Variants in C1QC observed in about 807,000 individuals in gnomAD.
The protein encoded by C1QC is complement C1q subcomponent subunit C.
Under a neutral mutation model 5.9 loss-of-function variants are expected in C1QC, and 4 were observed. The ratio of observed to expected loss-of-function variants is 0.68; its 90% CI spans 0.33 to 1.55. The LOEUF (loss-of-function observed/expected upper bound fraction) is 1.55. Among genes scored for constraint, C1QC ranks in the 40% most tolerant of loss-of-function variants. The pLI is 0.06. For synonymous variants in C1QC, 166 were observed against 153.8 expected (o/e 1.08, Z -0.59); for missense variants, 299 against 326.9 (o/e 0.91, Z 0.66).
intron 2 of C1QC, among the ~76,000 whole-genome samples, chr1:22,644,558 G>T (rs1026560877): frequency 6.6e-6 from 1 of 152,142 alleles, no homozygotes; most frequent in Non-Finnish European, 1.5e-5. Context: ...GGGAAGCTGG[G>T]GCCCACACAG....
Position 22,643,842 on chromosome 1 carries a change from G to A in C1QC, c.-14+128G>A. 3.7e-6 allele frequency: 5 copies of A among 1,365,290 alleles called. No homozygotes were observed. In the South Asian group the frequency reaches 7.3e-5, roughly 20 times the overall value. The allele number at this position is 1,365,290 out of a possible 1,614,324, so 84.6% of individuals were successfully genotyped here. A position where few individuals can be genotyped will look rare whatever the true frequency, so the allele number is the denominator to read the frequency against. On this transcript the variant is annotated intron_variant, in intron 1 of 2. Coordinates refer to ENST00000374640, the MANE Select transcript of C1QC (RefSeq NM_172369.5). ...GAAGGAGGGTTCCCACTCCTGCTGG[G>A]CCCCGGGGCCTGGGCTGAAGAAAAG... is the stretch of plus-strand genomic sequence containing the variant.
In C1QC at chr1:22,647,438, C is replaced by G. The variant is rs1246969241; in HGVS notation, c.393C>G (p.Pro131=). 2 of 1,614,148 alleles carry G rather than the reference C, an allele frequency of 1.2e-6. No homozygotes were observed. Among genetic ancestry groups the G allele is most frequent in the Non-Finnish European group, 1.7e-6 (2 of 1,180,034 alleles). The change falls in exon 3 of 3, where the codon CCC becomes CCG. Residue 131 remains proline (P), a synonymous_variant. Coordinates refer to ENST00000374640, the MANE Select transcript of C1QC (RefSeq NM_172369.5). ...VFTVTRQTHQ[P]PAPNSLIRFN... ...CGGTCACTCGGCAGACCCACCAGCC[C>G]CCTGCACCCAACAGCCTGATCAGAT...
chr1:22,647,698 G>A lies in C1QC; in HGVS notation c.653G>A (p.Trp218Ter). 2 of 1,605,762 alleles carry A rather than the reference G, an allele frequency of 1.2e-6. No individual in the cohort carries two copies. The highest frequency in any genetic ancestry group is 1.7e-6 in the Non-Finnish European group (2 of 1,179,764). ...AGGTTGCAGGTGGGCGAGGAGGTGT[G>A]GCTGGCTGTCAATGACTACTACGAC... Reference protein sequence around the residue: ...LLRLQVGEEVWLAVNDYYDMV... With the variant: ...LLRLQVGEEV Residue 218 changes from tryptophan to a stop codon, truncating the protein, a stop_gained, in exon 3 of 3, where the codon TGG (tryptophan) becomes TAG (stop). Coordinates refer to ENST00000374640, the MANE Select transcript of C1QC (RefSeq NM_172369.5). LOFTEE classifies it high-confidence loss of function.
chr1:22,647,997 T>C lies in C1QC; in HGVS notation c.*214T>C. Reference sequence around the variant, plus strand: ...ACTTCTTTAGGAGTCACTGCTTGTGTGGTTCCTGGGACACTTAACCAATGC... The same window carrying C: ...ACTTCTTTAGGAGTCACTGCTTGTGCGGTTCCTGGGACACTTAACCAATGC... On this transcript the variant is annotated 3_prime_UTR_variant, in exon 3 of 3. Coordinates refer to ENST00000374640, the MANE Select transcript of C1QC (RefSeq NM_172369.5). 1.6e-6 allele frequency: 1 copy of C among 620,260 alleles called. No homozygotes were observed. Among genetic ancestry groups the C allele is most frequent in the Non-Finnish European group, 2.8e-6 (1 of 363,160 alleles). The allele number at this position is 620,260 out of a possible 1,614,324, so 38.4% of individuals were successfully genotyped here.
Position 22,647,249 on chromosome 1 carries a change from C to T in C1QC, c.204C>T (p.Ile68=). 1 of 1,607,716 alleles carries T rather than the reference C, an allele frequency of 6.2e-7. No homozygotes were observed. Among genetic ancestry groups the T allele is most frequent in the East Asian group, 2.2e-5 (1 of 44,874 alleles). ...GEPGIPAIPG[I]RGPKGQKGEP... Reference sequence around the variant, plus strand: ...CAGGAATCCCAGCCATTCCCGGGATCCGAGGACCCAAAGGGCAGAAGGGAG... The same window carrying T: ...CAGGAATCCCAGCCATTCCCGGGATTCGAGGACCCAAAGGGCAGAAGGGAG... Residue 68 remains isoleucine, a synonymous_variant, in exon 3 of 3, where the codon ATC becomes ATT. Coordinates refer to ENST00000374640, the MANE Select transcript of C1QC (RefSeq NM_172369.5).
chr1:22,643,879 C>A, intron 1 of C1QC, 132 bp from the exon 2 acceptor site: 1 of 1,369,650 alleles, frequency 7.3e-7, no homozygotes. Flanking sequence ...CCCCACCATC[C>A]ATCCATGGTG....
In C1QC at chr1:22,647,545, A is replaced by T. The variant is rs777763319; in HGVS notation, c.500A>T (p.Tyr167Phe). The T allele has an allele frequency of 3.7e-6, 6 of 1,614,214 alleles. No homozygotes were observed. The highest frequency in any genetic ancestry group is 1.7e-5 in the Admixed American group (1 of 60,030). ...KFTCKVPGLY[Y>F]FVYHASHTAN... Reference sequence around the variant, plus strand: ...ACCTGCAAAGTCCCCGGCCTCTACTACTTTGTCTACCACGCGTCGCATACA... The same window carrying T: ...ACCTGCAAAGTCCCCGGCCTCTACTTCTTTGTCTACCACGCGTCGCATACA... The change falls in exon 3 of 3, where the codon TAC becomes TTC. Residue 167 changes from tyrosine to phenylalanine, a missense_variant. Around this residue, in one of 3 missense-constraint regions of C1QC, gnomAD observed 144 missense variants for 155.1 expected, o/e 0.93. Transcript: ENST00000374640.
At position 22,647,780 on chromosome 1, in the gene C1QC, C is replaced by T; in HGVS notation, c.735C>T (p.Asp245=). ...TCTCCGGCTTCCTGCTCTTCCCCGA[C>T]TAGGGCGGGCAGATGCGCTCGAGCC... ...SVFSGFLLFP[D] is the part of the protein sequence containing the mutation. The change falls in exon 3 of 3, where the codon GAC becomes GAT. Residue 245 remains aspartate (D), a synonymous_variant. Transcript: ENST00000374640. 1 of 1,599,710 alleles carries T rather than the reference C, an allele frequency of 6.3e-7. No individual in the cohort carries two copies. The highest frequency in any genetic ancestry group is 8.5e-7 in the Non-Finnish European group (1 of 1,179,938).
chr1:22,645,471 C>T (rs779903786), intron 2 of C1QC, among the ~76,000 whole-genome samples: 12 of 152,226 alleles, frequency 7.9e-5, no homozygotes, highest in African/African-American at 1.9e-4. Context: ...TCCAAAGTCA[C>T]ACAGTGGGAT....
chr1:22,645,759 C>T (rs1224891986), intron 2 of C1QC, among the ~76,000 whole-genome samples: 1 of 152,180 alleles, frequency 6.6e-6, no homozygotes, highest in Admixed American at 6.5e-5. Flanking sequence ...CAAATACAGG[C>T]TCAGGGAGGG....
rs666656 is a variant in C1QC at position 22,644,335 on chromosome 1, G to T, written c.181+131G>T. 0.5 allele frequency: 620,724 copies of T among 1,245,366 alleles called. 162,034 individuals carry two copies. The highest frequency in any genetic ancestry group is 0.89 in the African/African-American group (58,482 of 65,852). The allele number at this position is 1,245,366 out of a possible 1,614,324, so 77.1% of individuals were successfully genotyped here. A position where few individuals can be genotyped will look rare whatever the true frequency, so the allele number is the denominator to read the frequency against. ...CTGCCACGCCTGCCCCAGGGCAGAGGTGGACTCTCACGGTGTGTCTGGCTC... is the reference window on the plus strand; with the variant it reads ...CTGCCACGCCTGCCCCAGGGCAGAGTTGGACTCTCACGGTGTGTCTGGCTC... On this transcript the variant is annotated intron_variant, in intron 2 of 2. Transcript: ENST00000374640.
intron 2 of C1QC, among the ~76,000 whole-genome samples, chr1:22,644,762 C>G (rs1557604670): frequency 6.6e-6 from 1 of 152,198 alleles, no homozygotes; most frequent in South Asian, 2.1e-4. Context: ...GCCCTGAGCA[C>G]CTGGGAGGTC....
At chr1:22,645,830 T>C (rs1642360206) in intron 2 of C1QC, among the ~76,000 whole-genome samples, 1 of 151,940 alleles carries the variant, frequency 6.6e-6, no homozygotes, top group Non-Finnish European at 1.5e-5. Flanking sequence ...GACCCCACAC[T>C]CCTAATGCTG....
intron 2 of C1QC, among the ~76,000 whole-genome samples, chr1:22,646,099 A>G (rs562211205): frequency 3.3e-5 from 5 of 152,368 alleles, no homozygotes; most frequent in Non-Finnish European, 5.9e-5. Flanking sequence ...CTTGAGTTAG[A>G]GACCTGACTC....
chr1:22,644,149 CG>C lies in C1QC; in HGVS notation c.130del (p.Ala44HisfsTer94). On this transcript the variant is annotated frameshift_variant, in exon 2 of 3. Coordinates refer to ENST00000374640, the MANE Select transcript of C1QC (RefSeq NM_172369.5). LOFTEE classifies it high-confidence loss of function. ...YGIPGMPGLPGAPGKDGYDGL... is the reference protein window; with the variant it reads ...YGIPGMPGLPXAPGKDGYDGL... The stretch of plus-strand genomic sequence containing the variant: ...GGATCCCAGGGATGCCCGGCCTGCC[CG>C]GGGCACCAGGGAAGGATGGGTACGA... 6.3e-7 allele frequency: 1 copy of C among 1,585,448 alleles called. No individual in the cohort carries two copies. Among genetic ancestry groups the C allele is most frequent in the East Asian group, 2.3e-5 (1 of 43,952 alleles).
At chr1:22,644,980 T>TG (rs1557604762) in intron 2 of C1QC, among the ~76,000 whole-genome samples, 2 of 151,962 alleles carry the variant, frequency 1.3e-5, no homozygotes, top group Non-Finnish European at 2.9e-5. Flanking sequence ...ACTGGAGCCC[T>TG]GGGGGGTATG....
chr1:22,643,740 A>C, intron 1 of C1QC, 26 bp downstream of exon 1: 1 of 1,288,486 alleles, frequency 7.8e-7, no homozygotes, highest in Non-Finnish European at 9.8e-7. Flanking sequence ...CTGCCCAGGT[A>C]TGGGCAGATG....
intron 2 of C1QC, among the ~76,000 whole-genome samples, chr1:22,644,429 CCTT>C (rs1179762967): frequency 5.3e-5 from 8 of 152,176 alleles, no homozygotes; most frequent in Admixed American, 3.9e-4. Flanking sequence ...CTTCCATCTT[CCTT>C]CTCCTCCTTA....
At chr1:22,645,347 G>C (rs1164017597) in intron 2 of C1QC, among the ~76,000 whole-genome samples, 2 of 152,066 alleles carry the variant, frequency 1.3e-5, no homozygotes, top group Non-Finnish European at 2.9e-5. Context: ...CCAAGTCCCA[G>C]GTGTGGTCTC....
Sources: allele counts gnomAD v4.1 joint callset (sites outside exome capture counted in the v4.1 genomes callset), GRCh38; gene constraint gnomAD v4.1.1; regional missense constraint gnomAD v4.1.1; transcripts MANE v1.5; gene names NCBI Gene and HGNC (gene_info 2026-07-23, HGNC 2026-07-21).